Variants in JPH4 observed in about 807,000 individuals in gnomAD.
JPH4 encodes the protein junctophilin-4.
JPH4 carries 18 observed loss-of-function variants against 57.6 expected under a neutral mutation model. That is an observed-to-expected ratio of 0.31 (90% CI 0.22 to 0.46). The LOEUF is 0.46. Ranked by LOEUF, JPH4 falls within the 20% of genes least tolerant of loss-of-function variation. JPH4 has a pLI of 1.00. For synonymous variants in JPH4, 425 were observed against 406.6 expected, an observed-to-expected ratio of 1.05 and a Z score of -0.54; for missense variants, 727 against 911.1, an observed-to-expected ratio of 0.80 and a Z score of 2.60.
chr14:23,576,151 G>C lies in JPH4; in HGVS notation c.685C>G (p.Arg229Gly). ...FRRSLLLSGL[R>G]AGGRRSSLGS... The stretch of plus-strand genomic sequence containing the variant: ...AGGGAGCTGCGACGTCCGCCCGCTC[G>C]GAGCCCGCTGAGCAGCAGCGAACGG... The change falls in exon 3 of 6, where the codon CGA becomes GGA. Residue 229 changes from arginine (R) to glycine (G), a missense_variant. By Grantham distance (125) the Arg-to-Gly change is moderately radical (BLOSUM62 -2). Around this residue, in one of 7 missense-constraint regions of JPH4, gnomAD observed 131 missense variants for 156.5 expected, o/e 0.84. Transcript: ENST00000356300. The surrounding 1 kb of genome is among the most constrained non-coding windows in gnomAD (Gnocchi z 8.0). 7.6e-7 allele frequency: 1 copy of C among 1,310,258 alleles called. No individual in the cohort carries two copies. Among genetic ancestry groups the C allele is most frequent in the Non-Finnish European group, 9.7e-7 (1 of 1,029,158 alleles). 81.2% of individuals were successfully genotyped at this position (1,310,258 alleles called of 1,614,324 possible). A position where few individuals can be genotyped will look rare whatever the true frequency, so the allele number is the denominator to read the frequency against.
In JPH4 at chr14:23,571,595, A is replaced by C. The variant is rs1383046594; in HGVS notation, c.1271-135T>G. Reference sequence around the variant, plus strand: ...ATAGCCTCTCACCGCCAGACCCCAAACCCCCCATTATCCTACTGCATACAT... The same window carrying C: ...ATAGCCTCTCACCGCCAGACCCCAACCCCCCCATTATCCTACTGCATACAT... On this transcript the variant is annotated intron_variant, in intron 4 of 5. Coordinates refer to ENST00000356300, the MANE Select transcript of JPH4 (RefSeq NM_001146028.2). This position sits in a 1 kb window ranked among gnomAD's most constrained non-coding sequence, Gnocchi z 4.6. 10 of 1,166,686 alleles carry C rather than the reference A, an allele frequency of 8.6e-6. No homozygotes were observed. Among genetic ancestry groups the C allele is most frequent in the African/African-American group, 6.2e-5 (4 of 65,010 alleles). The allele number at this position is 1,166,686 out of a possible 1,614,324, so 72.3% of individuals were successfully genotyped here. A position where few individuals can be genotyped will look rare whatever the true frequency, so the allele number is the denominator to read the frequency against.
rs1889275060 is a variant in JPH4, at chr14:23,576,455, G to T, written c.381C>A (p.Gly127=). ...GYGTETYSDG[G]TYQGQWQAGK... is the part of the protein sequence containing the mutation. Reference sequence around the variant, plus strand: ...CGGCCTGCCACTGGCCCTGGTAGGTGCCTGCGGGCGGCGGAGGGGTGGGAG... The same window carrying T: ...CGGCCTGCCACTGGCCCTGGTAGGTTCCTGCGGGCGGCGGAGGGGTGGGAG... The change falls in exon 3 of 6, where the codon GGC becomes GGA. Residue 127 remains glycine, a splice_region_variant and synonymous_variant. Coordinates refer to ENST00000356300, the MANE Select transcript of JPH4 (RefSeq NM_001146028.2). This position sits in a 1 kb window ranked among gnomAD's most constrained non-coding sequence, Gnocchi z 8.0. 4.2e-6 allele frequency: 6 copies of T among 1,418,070 alleles called. No homozygotes were observed. The highest frequency in any genetic ancestry group is 5.5e-6 in the Non-Finnish European group (6 of 1,094,350). 87.8% of individuals were successfully genotyped at this position (1,418,070 alleles called of 1,614,324 possible). A position where few individuals can be genotyped will look rare whatever the true frequency, so the allele number is the denominator to read the frequency against.
Position 23,568,411 on chromosome 14 carries a change from GATCAGC to G in JPH4, c.*1217_*1222del. The G allele has an allele frequency of 2.0e-6, 2 of 985,706 alleles. No individual in the cohort carries two copies. Among genetic ancestry groups the G allele is most frequent in the Non-Finnish European group, 2.4e-6 (2 of 829,958 alleles). The allele number at this position is 985,706 out of a possible 1,614,324, so 61.1% of individuals were successfully genotyped here. A position where few individuals can be genotyped will look rare whatever the true frequency, so the allele number is the denominator to read the frequency against. ...AGGGGAAAAACTAATACCAGAGAGGGATCAGCCACAACCTCAAACAGGGCTCTCCAC... is the reference window on the plus strand; with the variant it reads ...AGGGGAAAAACTAATACCAGAGAGGGCACAACCTCAAACAGGGCTCTCCAC... On this transcript the variant is annotated 3_prime_UTR_variant, in exon 6 of 6. Transcript: ENST00000356300.
In JPH4 at chr14:23,571,783, C is replaced by G. The variant is rs536248682; in HGVS notation, c.1270+19G>C. On this transcript the variant is annotated intron_variant, in intron 4 of 5. Transcript: ENST00000356300. This position sits in a 1 kb window ranked among gnomAD's most constrained non-coding sequence, Gnocchi z 4.6. ...CCCTAGGGGCCTCACTGCCCTCCCC[C>G]CAGCTGTCCATGCCTCACCTGGGGC... 541 of 1,606,264 alleles carry G rather than the reference C, an allele frequency of 3.4e-4. No individual in the cohort carries two copies. Among genetic ancestry groups the G allele is most frequent in the South Asian group, 1.7e-3 (159 of 90,988 alleles).
Position 23,575,639 on chromosome 14 carries a change from A to C in JPH4, c.1151+46T>G, listed in dbSNP as rs759757109. On this transcript the variant is annotated intron_variant, in intron 3 of 5. Coordinates refer to ENST00000356300, the MANE Select transcript of JPH4 (RefSeq NM_001146028.2). This position sits in a 1 kb window ranked among gnomAD's most constrained non-coding sequence, Gnocchi z 6.9. ...CACCCGCCTTCCTGGTCCCCAGCGC[A>C]CCCCCTCCTCTTAGCCCAGCTTTGG... The C allele has an allele frequency of 4.5e-6, 7 of 1,560,436 alleles. No homozygotes were observed. The African/African-American group carries it at 8.2e-5, about 18-fold the overall frequency.
Position 23,571,445 on chromosome 14 carries a change from T to C in JPH4, c.1286A>G (p.Gln429Arg), listed in dbSNP as rs1462165339. The C allele has an allele frequency of 6.3e-7, 1 of 1,599,032 alleles. No homozygotes were observed. The highest frequency in any genetic ancestry group is 8.5e-7 in the Non-Finnish European group (1 of 1,179,620). Residue 429 changes from glutamine (Q) to arginine (R), a missense_variant, in exon 5 of 6, where the codon CAG becomes CGG. Transcript: ENST00000356300. The surrounding 1 kb of genome is among the most constrained non-coding windows in gnomAD (Gnocchi z 4.6). ...CTCCGTGTCGGAACCTTCTGAGTCCTGCCTGGGTCTGCGGCCTGGGTAGGG... is the reference window on the plus strand; with the variant it reads ...CTCCGTGTCGGAACCTTCTGAGTCCCGCCTGGGTCTGCGGCCTGGGTAGGG... ...MLEAPGRRPR[Q>R]DSEGSDTEPL...
rs1438486098 is a variant in JPH4, at chr14:23,577,430, G to A, written c.24C>T (p.Asp8=). The part of the protein sequence containing the change: MSPGGKF[D]FDDGGCYVGG... ...CCACGTAGCAGCCCCCGTCGTCAAAGTCGAACTTGCCCCCGGGGGACATGC... is the reference window on the plus strand; with the variant it reads ...CCACGTAGCAGCCCCCGTCGTCAAAATCGAACTTGCCCCCGGGGGACATGC... The change falls in exon 2 of 6, where the codon GAC becomes GAT. Residue 8 remains aspartate, a synonymous_variant. Transcript: ENST00000356300. This position sits in a 1 kb window ranked among gnomAD's most constrained non-coding sequence, Gnocchi z 8.4. 6.9e-7 allele frequency: 1 copy of A among 1,440,886 alleles called. No individual in the cohort carries two copies. The highest frequency in any genetic ancestry group is 9.1e-7 in the Non-Finnish European group (1 of 1,099,916). The allele number at this position is 1,440,886 out of a possible 1,614,324, so 89.3% of individuals were successfully genotyped here.
intron 3 of JPH4, among the ~76,000 whole-genome samples, chr14:23,572,142 A>G (rs906587703): frequency 5.3e-5 from 8 of 151,906 alleles, no homozygotes; most frequent in African/African-American, 1.9e-4. Context: ...GTTTGCCACC[A>G]TCACACCCTC....
At chr14:23,573,034 C>G (rs1414902371) in intron 3 of JPH4, 8 of 685,438 alleles carry the variant, frequency 1.2e-5, no homozygotes, top group Non-Finnish European at 2.1e-5. Context: ...GAGGAAAAGG[C>G]AGGCCGACGA....
intron 3 of JPH4, among the ~76,000 whole-genome samples, chr14:23,574,325 C>A (rs1889223709): frequency 6.6e-6 from 1 of 152,098 alleles, no homozygotes; most frequent in African/African-American, 2.4e-5. Context: ...CAGGAACCTG[C>A]CACCACACCG....
chr14:23,578,551 T>C lies in JPH4; in HGVS notation c.-543A>G, dbSNP rs1358186977. On this transcript the variant is annotated 5_prime_UTR_variant, in exon 1 of 6. Transcript: ENST00000356300. ...GAGGAAAAATAAATCAAAATTCCGA[T>C]TCCATCCCAGCACAAATCAATGTTT... is the stretch of plus-strand genomic sequence containing the variant. 6.6e-6 allele frequency: 1 copy of C among 151,450 alleles called. No homozygotes were observed. The highest frequency in any genetic ancestry group is 1.5e-5 in the Non-Finnish European group (1 of 67,910). 9.4% of individuals were successfully genotyped at this position (151,450 alleles called of 1,614,324 possible).
Position 23,568,824 on chromosome 14 carries a change from T to A in JPH4, c.*810A>T, listed in dbSNP as rs1888940537. On this transcript the variant is annotated 3_prime_UTR_variant, in exon 6 of 6. Transcript: ENST00000356300. ...AACTATTATGGGGGAGACAGAAGGG[T>A]GGGAGAAGTCAGTGGCAAAGTCTGG... 2.0e-6 allele frequency: 2 copies of A among 985,316 alleles called. No individual in the cohort carries two copies. Among genetic ancestry groups the A allele is most frequent in the East Asian group, 1.1e-4 (1 of 8,804 alleles). The allele number at this position is 985,316 out of a possible 1,614,324, so 61.0% of individuals were successfully genotyped here. A position where few individuals can be genotyped will look rare whatever the true frequency, so the allele number is the denominator to read the frequency against.
chr14:23,573,233 C>G (rs1334768568), intron 3 of JPH4, among the ~76,000 whole-genome samples: 1 of 152,190 alleles, frequency 6.6e-6, no homozygotes, highest in Non-Finnish European at 1.5e-5. Context: ...CTCCTCAAAC[C>G]TGGTGGGTCA....
chr14:23,568,494 T>C lies in JPH4; in HGVS notation c.*1140A>G, dbSNP rs547722592. 4.1e-6 allele frequency: 4 copies of C among 984,340 alleles called. No individual in the cohort carries two copies. The African/African-American group carries it at 7.0e-5, about 17-fold the overall frequency. 61.0% of individuals were successfully genotyped at this position (984,340 alleles called of 1,614,324 possible). A position where few individuals can be genotyped will look rare whatever the true frequency, so the allele number is the denominator to read the frequency against. On this transcript the variant is annotated 3_prime_UTR_variant, in exon 6 of 6. Coordinates refer to ENST00000356300, the MANE Select transcript of JPH4 (RefSeq NM_001146028.2). Reference sequence around the variant, plus strand: ...ACCTCTGCCCTGCCTGGGAAGCATGTGAGATCAGCTATCTTTGATCCCCTC... The same window carrying C: ...ACCTCTGCCCTGCCTGGGAAGCATGCGAGATCAGCTATCTTTGATCCCCTC...
At position 23,568,115 on chromosome 14, in the gene JPH4, G is replaced by A. The variant is rs1304691484; in HGVS notation, c.*1519C>T. 5.1e-6 allele frequency: 5 copies of A among 985,030 alleles called. No homozygotes were observed. Among genetic ancestry groups the A allele is most frequent in the Non-Finnish European group, 6.0e-6 (5 of 829,530 alleles). 61.0% of individuals were successfully genotyped at this position (985,030 alleles called of 1,614,324 possible). A position where few individuals can be genotyped will look rare whatever the true frequency, so the allele number is the denominator to read the frequency against. ...TTTTCCTGCAAGACTTGGTGTTGGCGGCACTGTTGTAGTTTAACTTCAATC... is the reference window on the plus strand; with the variant it reads ...TTTTCCTGCAAGACTTGGTGTTGGCAGCACTGTTGTAGTTTAACTTCAATC... On this transcript the variant is annotated 3_prime_UTR_variant, in exon 6 of 6. Coordinates refer to ENST00000356300, the MANE Select transcript of JPH4 (RefSeq NM_001146028.2).
chr14:23,572,810 T>G, intron 3 of JPH4: 1 of 697,582 alleles, frequency 1.4e-6, no homozygotes, highest in Non-Finnish European at 2.6e-6. Context: ...ACCCTTAGTC[T>G]CCCTTCCACA....
Position 23,577,099 on chromosome 14 carries a change from C to G in JPH4, c.355G>C (p.Gly119Arg). ...LWKDGFQDGY[G>R]TETYSDGGTY... ...CCTCCGTCGGAGTAGGTCTCAGTGC[C>G]GTAGCCGTCCTGGAAACCGTCCTTC... is the stretch of plus-strand genomic sequence containing the variant. Residue 119 changes from glycine to arginine, a missense_variant, in exon 2 of 6, where the codon GGC (glycine) becomes CGC (arginine). Physicochemically the swap from Gly to Arg is moderately radical, Grantham distance 125 (BLOSUM62 -2). This residue lies in a region of JPH4 where 90 missense variants were observed against 88.1 expected (regional missense o/e 1.02). Transcript: ENST00000356300. The surrounding 1 kb of genome is among the most constrained non-coding windows in gnomAD (Gnocchi z 8.4). 6.4e-7 allele frequency: 1 copy of G among 1,566,334 alleles called. No individual in the cohort carries two copies. The highest frequency in any genetic ancestry group is 8.6e-7 in the Non-Finnish European group (1 of 1,162,522).
chr14:23,577,484 G>A lies in JPH4; in HGVS notation c.-31C>T. On this transcript the variant is annotated 5_prime_UTR_variant, in exon 2 of 6. Coordinates refer to ENST00000356300, the MANE Select transcript of JPH4 (RefSeq NM_001146028.2). The surrounding 1 kb of genome is among the most constrained non-coding windows in gnomAD (Gnocchi z 8.4). ...TAGTTGGCGCGGCCTCAGCCCCCCG[G>A]CGGCTCAGCGCATCCTGGGACTGGA... 7.2e-7 allele frequency: 1 copy of A among 1,390,872 alleles called. No individual in the cohort carries two copies. Among genetic ancestry groups the A allele is most frequent in the Non-Finnish European group, 9.3e-7 (1 of 1,076,976 alleles). The allele number at this position is 1,390,872 out of a possible 1,614,324, so 86.2% of individuals were successfully genotyped here. A position where few individuals can be genotyped will look rare whatever the true frequency, so the allele number is the denominator to read the frequency against.
At chr14:23,572,043 G>A (rs559117722) in intron 3 of JPH4, 123 bp from the exon 4 acceptor site, 28 of 839,148 alleles carry the variant, frequency 3.3e-5, no homozygotes, top group Admixed American at 1.3e-4. Flanking sequence ...CTCTGGAGTC[G>A]TCACCCTTCG....
Sources: allele counts gnomAD v4.1 joint callset (sites outside exome capture counted in the v4.1 genomes callset), GRCh38; gene constraint gnomAD v4.1.1; regional missense constraint gnomAD v4.1.1; non-coding constraint Gnocchi (gnomAD v3.1); transcripts MANE v1.5; gene names NCBI Gene and HGNC (gene_info 2026-07-23, HGNC 2026-07-21).